PNPLA6: variants seen among roughly 807,000 people sequenced by gnomAD.
The protein encoded by PNPLA6 is patatin like domain 6, lysophospholipase.
Under a neutral mutation model 153.7 loss-of-function variants are expected in PNPLA6, and 105 were observed. The observed-to-expected ratio is 0.68, with a 90% confidence interval of 0.58 to 0.80. PNPLA6 has a LOEUF of 0.80. PNPLA6 is among the 30% of genes least tolerant of loss of function. PNPLA6 has a pLI of 0.00. For synonymous variants in PNPLA6, 825 were observed against 822.2 expected (o/e 1.00, Z -0.06); for missense variants, 1,423 against 1,919.3 (o/e 0.74, Z 4.83).
At chr19:7,553,686 G>A (rs985665051) in intron 18 of PNPLA6, among the ~76,000 whole-genome samples, 189 bp from the exon 19 acceptor site, 1 of 152,220 alleles carries the variant, frequency 6.6e-6, no homozygotes, top group Admixed American at 6.5e-5. Context: ...AGTTGAGGCT[G>A]AGGGTCCAGG....
intron 17 of PNPLA6, 120 bp downstream of exon 17, chr19:7,551,227 G>A (rs2023634693): frequency 1.1e-6 from 1 of 939,830 alleles, no homozygotes; most frequent in Non-Finnish European, 1.7e-6. Flanking sequence ...GCCGAAGCGA[G>A]AGAGTGAGGG....
rs750937210 is a variant in PNPLA6, at chr19:7,535,763, G to A, written c.-26G>A. On this transcript the variant is annotated 5_prime_UTR_variant, in exon 1 of 32. Transcript: ENST00000600737. This position sits in a 1 kb window ranked among gnomAD's most constrained non-coding sequence, Gnocchi z 5.0. ...CAGGGAAGAGTCGCGCCCCCGGGGAGGGAGCAGCACTGGCCCATTCTGCAG... is the reference window on the plus strand; with the variant it reads ...CAGGGAAGAGTCGCGCCCCCGGGGAAGGAGCAGCACTGGCCCATTCTGCAG... 24 of 1,522,076 alleles carry A rather than the reference G, an allele frequency of 1.6e-5. No individual in the cohort carries two copies. The South Asian group carries it at 2.5e-4, about 16-fold the overall frequency. 94.3% of individuals were successfully genotyped at this position (1,522,076 alleles called of 1,614,324 possible).
chr19:7,537,353 C>T (rs996681896), intron 3 of PNPLA6, among the ~76,000 whole-genome samples: 2 of 152,260 alleles, frequency 1.3e-5, no homozygotes, highest in African/African-American at 2.4e-5. Flanking sequence ...TGTTATGGAC[C>T]TTGAAGTTCT....
intron 16 of PNPLA6, 152 bp downstream of exon 16, chr19:7,550,792 GT>G (rs2023609094): frequency 2.2e-5 from 24 of 1,066,984 alleles, no homozygotes; most frequent in South Asian, 2.2e-4. Context: ...ACCTCATTTC[GT>G]TGGAAAAAGG....
At chr19:7,546,392 G>C (rs2023387411) in intron 13 of PNPLA6, among the ~76,000 whole-genome samples, 1 of 152,132 alleles carries the variant, frequency 6.6e-6, no homozygotes, top group Non-Finnish European at 1.5e-5. Flanking sequence ...ACTTTGGAAG[G>C]CCGCGGCGGG....
In PNPLA6 at chr19:7,541,942, G is replaced by A; in HGVS notation, c.1169-42G>A. 1 of 1,522,366 alleles carries A rather than the reference G, an allele frequency of 6.6e-7. No homozygotes were observed. Among genetic ancestry groups the A allele is most frequent in the Non-Finnish European group, 9.1e-7 (1 of 1,103,462 alleles). 94.3% of individuals were successfully genotyped at this position (1,522,366 alleles called of 1,614,324 possible). ...ATCTCCCAACCTGCTAATCCTCCTA[G>A]TGGCTCTGAGGGGCAGGAGCCTGAA... On this transcript the variant is annotated intron_variant, in intron 9 of 31. Coordinates refer to ENST00000600737, the MANE Select transcript of PNPLA6 (RefSeq NM_001166114.2). This position sits in a 1 kb window ranked among gnomAD's most constrained non-coding sequence, Gnocchi z 5.2.
intron 3 of PNPLA6, among the ~76,000 whole-genome samples, chr19:7,538,630 C>T (rs912577780): frequency 5.3e-5 from 8 of 152,130 alleles, no homozygotes; most frequent in South Asian, 2.1e-4. Context: ...CCCAGGTCCA[C>T]GATTAGCAGA....
intron 10 of PNPLA6, 69 bp downstream of exon 10, chr19:7,542,136 C>T: frequency 7.9e-7 from 1 of 1,272,724 alleles, no homozygotes; most frequent in Non-Finnish European, 1.1e-6. Flanking sequence ...CACCGCCTGC[C>T]TGTCTTGATT....
intron 20 of PNPLA6, 82 bp from the exon 21 acceptor site, chr19:7,554,473 C>T: frequency 6.6e-7 from 1 of 1,522,652 alleles, no homozygotes; most frequent in South Asian, 1.1e-5. Context: ...TAAGTTCCTC[C>T]CAGCAACGGA....
At chr19:7,542,253 A>C (rs2023184244) in intron 10 of PNPLA6, among the ~76,000 whole-genome samples, 186 bp downstream of exon 10, 1 of 152,198 alleles carries the variant, frequency 6.6e-6, no homozygotes, top group African/African-American at 2.4e-5. Flanking sequence ...ATTCAGAGGG[A>C]GAGTGCAGGC....
Position 7,555,863 on chromosome 19 carries a change from G to C in PNPLA6, c.3093+100G>C. ...ATGGGGGAGCCTCCGGGGTCAGGGT[G>C]ACCCTTCCTGATTAAATCTATGATC... On this transcript the variant is annotated intron_variant, in intron 24 of 31. Transcript: ENST00000600737. This position sits in a 1 kb window ranked among gnomAD's most constrained non-coding sequence, Gnocchi z 6.3. 8.0e-7 allele frequency: 1 copy of C among 1,248,060 alleles called. No individual in the cohort carries two copies. Among genetic ancestry groups the C allele is most frequent in the Admixed American group, 1.8e-5 (1 of 55,646 alleles). 77.3% of individuals were successfully genotyped at this position (1,248,060 alleles called of 1,614,324 possible). A position where few individuals can be genotyped will look rare whatever the true frequency, so the allele number is the denominator to read the frequency against.
At position 7,542,660 on chromosome 19, in the gene PNPLA6, C is replaced by A. The variant is rs2023207343; in HGVS notation, c.1352C>A (p.Ala451Asp). Residue 451 changes from alanine (A) to aspartate (D), a missense_variant, in exon 11 of 32, where the codon GCC (alanine) becomes GAC (aspartate). Around this residue, in one of 10 missense-constraint regions of PNPLA6, gnomAD observed 267 missense variants for 255.1 expected, o/e 1.05. Transcript: ENST00000600737. ...QEEASGGSLA[A>D]PARTPTQEPR... The stretch of plus-strand genomic sequence containing the variant: ...GAGGCCTCCGGGGGGTCCCTGGCAG[C>A]CCCCGCTCGGGTAAGGCTTGGGACC... 1 of 1,612,770 alleles carries A rather than the reference C, an allele frequency of 6.2e-7. No individual in the cohort carries two copies. Among genetic ancestry groups the A allele is most frequent in the Non-Finnish European group, 8.5e-7 (1 of 1,179,630 alleles).
chr19:7,557,405 G>C, intron 27 of PNPLA6, 121 bp downstream of exon 27: 1 of 722,458 alleles, frequency 1.4e-6, no homozygotes, highest in South Asian at 1.5e-5. Context: ...CCCATGCAGG[G>C]GTGCAGACAC....
chr19:7,548,142 C>T (rs957340214), intron 13 of PNPLA6, among the ~76,000 whole-genome samples: 1 of 151,402 alleles, frequency 6.6e-6, no homozygotes, highest in Admixed American at 6.6e-5. Flanking sequence ...GTCAGGAGTT[C>T]AAGACCAGCC....
In PNPLA6 at chr19:7,555,084, C is replaced by A; in HGVS notation, c.2817+9C>A. Reference sequence around the variant, plus strand: ...GCAGCCCTGCCAAGCTGGTGAGGAGCGGGCCGGCCCCCACCTTCTAGGGGC... The same window carrying A: ...GCAGCCCTGCCAAGCTGGTGAGGAGAGGGCCGGCCCCCACCTTCTAGGGGC... On this transcript the variant is annotated intron_variant, in intron 22 of 31. Transcript: ENST00000600737. The surrounding 1 kb of genome is among the most constrained non-coding windows in gnomAD (Gnocchi z 6.3). 1.3e-6 allele frequency: 2 copies of A among 1,591,740 alleles called. No homozygotes were observed. Among genetic ancestry groups the A allele is most frequent in the Middle Eastern group, 1.9e-4 (1 of 5,356 alleles).
At position 7,549,644 on chromosome 19, in the gene PNPLA6, A is replaced by C. The variant is rs1204680255; in HGVS notation, c.1609-263A>C. On this transcript the variant is annotated intron_variant, in intron 13 of 31. Coordinates refer to ENST00000600737, the MANE Select transcript of PNPLA6 (RefSeq NM_001166114.2). ...GCTGGAATTACAGACATGTGCCACG[A>C]CGCCCAGCTAATTTTTTTATTTTAG... The C allele has an allele frequency of 6.5e-5, 34 of 519,652 alleles. No homozygotes were observed. The East Asian group carries it at 1.1e-3, about 16-fold the overall frequency. The allele number at this position is 519,652 out of a possible 1,614,324, so 32.2% of individuals were successfully genotyped here. A position where few individuals can be genotyped will look rare whatever the true frequency, so the allele number is the denominator to read the frequency against.
intron 3 of PNPLA6, among the ~76,000 whole-genome samples, chr19:7,537,482 C>T (rs1029169846): frequency 1.3e-5 from 2 of 152,176 alleles, no homozygotes; most frequent in African/African-American, 2.4e-5. Context: ...GCAAGGTCTG[C>T]GAGAAAGGCT....
At position 7,555,016 on chromosome 19, in the gene PNPLA6, GGGC is replaced by G; in HGVS notation, c.2759_2761del (p.Gly920_His921delinsAsp). On this transcript the variant is annotated inframe_deletion, in exon 22 of 32. Transcript: ENST00000600737. The surrounding 1 kb of genome is among the most constrained non-coding windows in gnomAD (Gnocchi z 6.3). ...GCTAAATATGCGCAGCTGGTGCTCG[GGGC>G]ACCTGCACCTGCGCTGTCCGCGCCG... is the stretch of plus-strand genomic sequence containing the variant. 1 of 1,593,868 alleles carries G rather than the reference GGGC, an allele frequency of 6.3e-7. No homozygotes were observed. The highest frequency in any genetic ancestry group is 8.5e-7 in the Non-Finnish European group (1 of 1,178,186).
chr19:7,553,133 G>A (rs2023727393), intron 18 of PNPLA6, among the ~76,000 whole-genome samples: 1 of 152,186 alleles, frequency 6.6e-6, no homozygotes, highest in East Asian at 1.9e-4. Flanking sequence ...CCACCAGTAA[G>A]GAGGCAACAA....
Sources: gnomAD v4.1 joint callset for allele counts (sites outside exome capture counted in the v4.1 genomes callset) on GRCh38, gnomAD v4.1.1 for gene constraint, gnomAD v4.1.1 regional missense constraint, Gnocchi (gnomAD v3.1) non-coding constraint, MANE v1.5 for transcripts, NCBI Gene and HGNC (gene_info 2026-07-23, HGNC 2026-07-21) for gene names.